Variants in HMCES observed in about 807,000 individuals in gnomAD.
The protein encoded by HMCES is 5-hydroxymethylcytosine binding, ES cell specific.
HMCES carries 27 observed loss-of-function variants against 35.1 expected under a neutral mutation model. The ratio of observed to expected loss-of-function variants is 0.77; its 90% CI spans 0.57 to 1.06. The LOEUF is 1.06. Among genes scored for constraint, HMCES ranks in the 50% least tolerant of loss-of-function variants. The pLI, the probability that HMCES is intolerant of heterozygous loss-of-function variation, is 0.00. For missense variants in HMCES, 391 were observed against 430.4 expected (o/e 0.91, Z 0.81); for synonymous variants, 130 against 154.7 (o/e 0.84, Z 1.18).
chr3:129,280,995 G>A (rs1313021056), intron 2 of HMCES, among the ~76,000 whole-genome samples: 4 of 152,054 alleles, frequency 2.6e-5, no homozygotes, highest in African/African-American at 7.2e-5. Flanking sequence ...AGGTGGAGGC[G>A]GGCGGATCAC....
At chr3:129,293,274 A>G (rs1396944788) in intron 4 of HMCES, among the ~76,000 whole-genome samples, 1 of 152,158 alleles carries the variant, frequency 6.6e-6, no homozygotes, top group Non-Finnish European at 1.5e-5. Context: ...TCACCCTCAG[A>G]TAATTCCCTA....
In HMCES at chr3:129,304,938, T is replaced by C. The variant is rs1263386004; in HGVS notation, c.*113T>C. On this transcript the variant is annotated 3_prime_UTR_variant, in exon 7 of 7. Transcript: ENST00000383463. ...TTGGGAGGAGGTGGCACTGTGTTAG[T>C]TGACAGTTGTGGGCTCATGTAGTCT... 9.5e-6 allele frequency: 8 copies of C among 842,210 alleles called. No homozygotes were observed. The highest frequency in any genetic ancestry group is 2.3e-5 in the Admixed American group (1 of 42,990). The allele number at this position is 842,210 out of a possible 1,614,324, so 52.2% of individuals were successfully genotyped here.
At chr3:129,301,564 T>G (rs2071169415) in intron 5 of HMCES, among the ~76,000 whole-genome samples, 1 of 152,238 alleles carries the variant, frequency 6.6e-6, no homozygotes. Context: ...GTTCACAATT[T>G]TCTTACTGTA....
At position 129,279,716 on chromosome 3, in the gene HMCES, A is replaced by AG. The variant is rs761813866; in HGVS notation, c.-13dup. ...TACGTTTTGTAATTTAAAGGTTGCGAGGGGCGGTGTTGAAGAATGTGTGGG... is the reference window on the plus strand; with the variant it reads ...TACGTTTTGTAATTTAAAGGTTGCGAGGGGGCGGTGTTGAAGAATGTGTGGG... On this transcript the variant is annotated 5_prime_UTR_variant, in exon 2 of 7. Transcript: ENST00000383463. The surrounding 1 kb of genome is among the most constrained non-coding windows in gnomAD (Gnocchi z 4.2). The AG allele has an allele frequency of 6.2e-7, 1 of 1,611,966 alleles. No homozygotes were observed.
chr3:129,290,584 A>G, intron 3 of HMCES, 95 bp from the exon 4 acceptor site: 1 of 1,389,400 alleles, frequency 7.2e-7, no homozygotes, highest in South Asian at 1.3e-5. Flanking sequence ...CGCCTGGCCC[A>G]AACCTCAGAT....
chr3:129,303,015 G>A (rs79026623), intron 6 of HMCES, among the ~76,000 whole-genome samples: 4,089 of 152,142 alleles, frequency 0.027, 141 homozygotes, highest in East Asian at 0.11. Flanking sequence ...TTTGCTTTCC[G>A]AACTACAAGT....
At chr3:129,286,655 T>C (rs1199110492) in intron 2 of HMCES, among the ~76,000 whole-genome samples, 1 of 152,248 alleles carries the variant, frequency 6.6e-6, no homozygotes, top group Non-Finnish European at 1.5e-5. Flanking sequence ...TTCACTCTTC[T>C]GGGCTTGAAA....
chr3:129,288,978 TG>T lies in HMCES; in HGVS notation c.310del (p.Glu104ArgfsTer18). Reference sequence around the variant, plus strand: ...ACCAACTGTCGTAGTGATACCGTAATGGAGAAACGGTCATTTAAGGTAGGTG... The same window carrying T: ...ACCAACTGTCGTAGTGATACCGTAATGAGAAACGGTCATTTAAGGTAGGTG... Reference protein sequence around the residue: ...NTTNCRSDTVMEKRSFKVPLG... With the variant: ...NTTNCRSDTVXEKRSFKVPLG... On this transcript the variant is annotated frameshift_variant, in exon 3 of 7. Coordinates refer to ENST00000383463, the MANE Select transcript of HMCES (RefSeq NM_020187.3). LOFTEE classifies it high-confidence loss of function. 6.4e-7 allele frequency: 1 copy of T among 1,572,608 alleles called. No homozygotes were observed. Among genetic ancestry groups the T allele is most frequent in the Non-Finnish European group, 8.7e-7 (1 of 1,148,200 alleles).
chr3:129,289,039 A>G, intron 3 of HMCES, 42 bp downstream of exon 3: 1 of 1,464,356 alleles, frequency 6.8e-7, no homozygotes, highest in Non-Finnish European at 9.2e-7. Flanking sequence ...TACCTCAGAA[A>G]TAAGGTTCCA....
chr3:129,296,061 C>T (rs1195107280), intron 4 of HMCES, among the ~76,000 whole-genome samples: 3 of 151,660 alleles, frequency 2.0e-5, no homozygotes, highest in South Asian at 2.1e-4. Context: ...TTTCACTGAC[C>T]GTTTTTTTTC....
At chr3:129,287,367 G>A (rs1479765300) in intron 2 of HMCES, among the ~76,000 whole-genome samples, 2 of 151,950 alleles carry the variant, frequency 1.3e-5, no homozygotes, top group African/African-American at 4.8e-5. Flanking sequence ...GGAACTACAG[G>A]TGCATGCCAC....
At chr3:129,302,199 CTCTT>C (rs1239995538) in intron 6 of HMCES, 57 bp downstream of exon 6, 7 of 1,441,046 alleles carry the variant, frequency 4.9e-6, no homozygotes, top group South Asian at 1.3e-5. Context: ...TGTCAGTGTT[CTCTT>C]TCTTTCAGGA....
Position 129,279,418 on chromosome 3 carries a change from T to TA in HMCES, c.-23-292_-23-291insA, listed in dbSNP as rs913537119. On this transcript the variant is annotated intron_variant, in intron 1 of 6. Transcript: ENST00000383463. The surrounding 1 kb of genome is among the most constrained non-coding windows in gnomAD (Gnocchi z 4.2). ...CCCCAGCTAGCTGCGCTTGCCCTGC[T>TA]TCGCTGGACTGTGAAGCCCCCTCCG... 3.9e-5 allele frequency among the ~76,000 whole-genome samples: 6 copies of TA among 152,188 alleles called. No individual in the cohort carries two copies. Among genetic ancestry groups the TA allele is most frequent in the African/African-American group, 7.2e-5 (3 of 41,470 alleles).
At chr3:129,304,524 C>T in intron 6 of HMCES, 65 bp from the exon 7 acceptor site, 2 of 1,397,250 alleles carry the variant, frequency 1.4e-6, no homozygotes, top group Non-Finnish European at 2.0e-6. Context: ...TGTTTCTTCC[C>T]TTGGACTTGG....
At position 129,295,369 on chromosome 3, in the gene HMCES, C is replaced by G. The variant is rs12374147; in HGVS notation, c.454-2985C>G. On this transcript the variant is annotated intron_variant, in intron 4 of 6. Transcript: ENST00000383463. ...GGAAGATCACTTGAGCTTAGGAGGT[C>G]GAAGTTGCAGTGAGCCGAGATCACA... is the stretch of plus-strand genomic sequence containing the variant. 7.5e-3 allele frequency among the ~76,000 whole-genome samples: 1,080 copies of G among 144,838 alleles called. 6 individuals carry two copies. Among genetic ancestry groups the G allele is most frequent in the Middle Eastern group, 0.011 (3 of 276 alleles).
chr3:129,295,691 TC>T (rs1183622034), intron 4 of HMCES, among the ~76,000 whole-genome samples: 3 of 152,168 alleles, frequency 2.0e-5, no homozygotes, highest in Non-Finnish European at 4.4e-5. Flanking sequence ...TTTTGAGAAG[TC>T]TAGTGTATAA....
chr3:129,286,941 C>T (rs1220259401), intron 2 of HMCES, among the ~76,000 whole-genome samples: 2 of 152,122 alleles, frequency 1.3e-5, no homozygotes, highest in Non-Finnish European at 2.9e-5. Context: ...GACAACCATG[C>T]GTTGGGAGTC....
chr3:129,291,142 C>T (rs536787088), intron 4 of HMCES, among the ~76,000 whole-genome samples: 1 of 152,136 alleles, frequency 6.6e-6, no homozygotes, highest in Non-Finnish European at 1.5e-5. Context: ...ATAGAGGCTG[C>T]AATGAGCTAT....
At chr3:129,289,966 T>C (rs1452928782) in intron 3 of HMCES, among the ~76,000 whole-genome samples, 4 of 151,986 alleles carry the variant, frequency 2.6e-5, no homozygotes, top group Non-Finnish European at 5.9e-5. Flanking sequence ...GATGGGCGGA[T>C]CACGAGGTCA....
Sources: allele counts gnomAD v4.1 joint callset (sites outside exome capture counted in the v4.1 genomes callset), GRCh38; gene constraint gnomAD v4.1.1; non-coding constraint Gnocchi (gnomAD v3.1); transcripts MANE v1.5; gene names NCBI Gene and HGNC (gene_info 2026-07-23, HGNC 2026-07-21).